Variants in SLC4A10 observed in about 807,000 individuals in gnomAD.
The protein encoded by SLC4A10 is solute carrier family 4 member 10.
Under a neutral mutation model 137.7 loss-of-function variants are expected in SLC4A10, and 42 were observed. The ratio of observed to expected loss-of-function variants is 0.30; its 90% CI spans 0.24 to 0.39. The LOEUF is 0.39. SLC4A10 is among the 10% of genes least tolerant of loss of function. SLC4A10 has a pLI of 1.00. For synonymous variants in SLC4A10, 474 were observed against 464.1 expected, an observed-to-expected ratio of 1.02 and a Z score of -0.27; for missense variants, 925 against 1,355.0, an observed-to-expected ratio of 0.68 and a Z score of 4.98.
intron 1 of SLC4A10, among the ~76,000 whole-genome samples, chr2:161,704,233 G>A (rs1483369989): frequency 6.6e-6 from 1 of 151,566 alleles, no homozygotes; most frequent in Admixed American, 6.6e-5. Flanking sequence ...ACTGTTGTGA[G>A]AGCTAATTTG....
chr2:161,648,769 T>A (rs1165967610), intron 1 of SLC4A10, among the ~76,000 whole-genome samples: 2 of 152,226 alleles, frequency 1.3e-5, no homozygotes, highest in Non-Finnish European at 2.9e-5. Context: ...TTAAGCAATA[T>A]GTTTTGGAGA....
intron 1 of SLC4A10, among the ~76,000 whole-genome samples, chr2:161,660,584 CT>C (rs1553479818): frequency 7.6e-6 from 1 of 130,960 alleles, no homozygotes; most frequent in Admixed American, 7.9e-5. Context: ...TTCTTTCTTT[CT>C]TTCTTTCTTT....
At chr2:161,703,032 A>G (rs1165965237) in intron 1 of SLC4A10, among the ~76,000 whole-genome samples, 1 of 151,764 alleles carries the variant, frequency 6.6e-6, no homozygotes, top group Non-Finnish European at 1.5e-5. Context: ...GTGATAACAC[A>G]GTTTTGGCAA....
intron 2 of SLC4A10, among the ~76,000 whole-genome samples, chr2:161,781,608 G>A (rs563997410): frequency 1.7e-4 from 26 of 152,110 alleles, no homozygotes; most frequent in South Asian, 6.2e-4. Flanking sequence ...AGTGCTGCTA[G>A]TGTTTAGGTG....
chr2:161,705,513 G>A (rs1013038186), intron 1 of SLC4A10, among the ~76,000 whole-genome samples: 1 of 151,588 alleles, frequency 6.6e-6, no homozygotes, highest in African/African-American at 2.4e-5. Context: ...TACCCTCAAT[G>A]TACGCTTTTT....
chr2:161,721,769 C>T (rs757622662), intron 1 of SLC4A10, among the ~76,000 whole-genome samples: 1 of 152,264 alleles, frequency 6.6e-6, no homozygotes. Flanking sequence ...GGATGATATC[C>T]TGAAGTATGT....
intron 15 of SLC4A10, among the ~76,000 whole-genome samples, chr2:161,921,035 G>T (rs1688035915): frequency 6.6e-6 from 1 of 152,222 alleles, no homozygotes; most frequent in South Asian, 2.1e-4. Context: ...AGGATACACA[G>T]TTAAATAATT....
At chr2:161,711,627 C>A (rs1014848571) in intron 1 of SLC4A10, among the ~76,000 whole-genome samples, 5 of 151,730 alleles carry the variant, frequency 3.3e-5, no homozygotes. Flanking sequence ...AACTGGAACA[C>A]GCTGCCTGAT....
intron 2 of SLC4A10, among the ~76,000 whole-genome samples, chr2:161,777,578 A>C (rs1319995575): frequency 7.2e-5 from 11 of 152,012 alleles, no homozygotes; most frequent in Non-Finnish European, 1.5e-4. Flanking sequence ...CCTCACAATC[A>C]TGGAAGGCAA....
At chr2:161,706,219 G>T (rs181935741) in intron 1 of SLC4A10, among the ~76,000 whole-genome samples, 10 of 151,444 alleles carry the variant, frequency 6.6e-5, no homozygotes, top group Admixed American at 2.6e-4. Context: ...AAGGAAATTG[G>T]GGATTATATA....
At chr2:161,725,816 C>G (rs1359149249) in intron 1 of SLC4A10, among the ~76,000 whole-genome samples, 1 of 152,190 alleles carries the variant, frequency 6.6e-6, no homozygotes, top group Non-Finnish European at 1.5e-5. Context: ...CCTATTCACC[C>G]TGATCCTTTT....
At chr2:161,773,467 TA>T (rs1184147494) in intron 2 of SLC4A10, among the ~76,000 whole-genome samples, 2 of 151,880 alleles carry the variant, frequency 1.3e-5, no homozygotes, top group Non-Finnish European at 2.9e-5. Context: ...TAATACACAA[TA>T]AATATTTTAA....
intron 1 of SLC4A10, among the ~76,000 whole-genome samples, chr2:161,738,411 T>C (rs1354645259): frequency 6.6e-6 from 1 of 152,120 alleles, no homozygotes; most frequent in Non-Finnish European, 1.5e-5. Context: ...GGAGAGGATT[T>C]ATGGACAGAA....
At chr2:161,949,622 G>T (rs1233628792) in intron 18 of SLC4A10, among the ~76,000 whole-genome samples, 1 of 151,988 alleles carries the variant, frequency 6.6e-6, no homozygotes, top group Non-Finnish European at 1.5e-5. Context: ...GATAAAAATA[G>T]ATTGGGAATA....
intron 1 of SLC4A10, among the ~76,000 whole-genome samples, chr2:161,714,276 C>T (rs2044608055): frequency 6.6e-6 from 1 of 151,900 alleles, no homozygotes; most frequent in East Asian, 1.9e-4. Context: ...ATTTTCAGTG[C>T]TTGTCTTAGA....
chr2:161,681,682 A>G (rs1184096915), intron 1 of SLC4A10, among the ~76,000 whole-genome samples: 1 of 152,124 alleles, frequency 6.6e-6, no homozygotes, highest in Non-Finnish European at 1.5e-5. Context: ...TCTGCAGGAC[A>G]TTTACAGCTA....
chr2:161,805,952 C>T (rs547169906), intron 3 of SLC4A10, among the ~76,000 whole-genome samples: 1 of 152,322 alleles, frequency 6.6e-6, no homozygotes, highest in African/African-American at 2.4e-5. Flanking sequence ...AGAGGTTCTC[C>T]ATGAGGGCCC....
At chr2:161,720,489 CCCACTGTTATTGTGTGGGA>C (rs2045531636) in intron 1 of SLC4A10, among the ~76,000 whole-genome samples, 1 of 152,064 alleles carries the variant, frequency 6.6e-6, no homozygotes. Context: ...CCTTGTATCT[CCCACTGTTATTGTGTGGGA>C]GTCTAAGTCT....
intron 15 of SLC4A10, among the ~76,000 whole-genome samples, chr2:161,915,139 G>A (rs140501136): frequency 1.9e-3 from 282 of 152,216 alleles, no homozygotes; most frequent in African/African-American, 6.6e-3. Context: ...ACGTCAGGGA[G>A]AGGCAACTTG....
Sources: allele counts gnomAD v4.1 joint callset (sites outside exome capture counted in the v4.1 genomes callset), GRCh38; gene constraint gnomAD v4.1.1; transcripts MANE v1.5; gene names NCBI Gene and HGNC (gene_info 2026-07-23, HGNC 2026-07-21).